POLB: variants seen among roughly 807,000 people sequenced by gnomAD.
POLB encodes DNA polymerase beta, also known as 5'-dRP lyase.
A neutral mutation model predicts 52.7 loss-of-function variants in POLB; 37 were observed. The ratio of observed to expected loss-of-function variants is 0.70; its 90% CI spans 0.54 to 0.92. The LOEUF is 0.92. POLB is among the 40% of genes least tolerant of loss of function. POLB has a pLI of 0.00. For synonymous variants in POLB, 138 were observed against 131.3 expected, an observed-to-expected ratio of 1.05 and a Z score of -0.35; for missense variants, 313 against 400.8, an observed-to-expected ratio of 0.78 and a Z score of 1.87.
chr8:42,371,493 A>T, intron 13 of POLB, 70 bp from the exon 14 acceptor site: 1 of 741,866 alleles, frequency 1.3e-6, no homozygotes, highest in Non-Finnish European at 2.2e-6. Context: ...CACAGCTCTT[A>T]ATCTTGAACC....
At chr8:42,370,071 T>A in intron 13 of POLB, 83 bp downstream of exon 13, 1 of 1,028,860 alleles carries the variant, frequency 9.7e-7, no homozygotes, top group Non-Finnish European at 1.5e-6. Context: ...TAGCAAACCT[T>A]CTAATAACTA....
chr8:42,339,127 G>A, intron 2 of POLB, 58 bp downstream of exon 2: 1 of 1,312,686 alleles, frequency 7.6e-7, no homozygotes, highest in Non-Finnish European at 1.1e-6. Context: ...GTTTAGTGTG[G>A]CAATTAACAG....
chr8:42,352,830 C>T (rs1823056278), intron 6 of POLB, among the ~76,000 whole-genome samples: 1 of 152,142 alleles, frequency 6.6e-6, no homozygotes, highest in South Asian at 2.1e-4. Context: ...CCTGTAGTCC[C>T]AGCACTTTGG....
intron 10 of POLB, among the ~76,000 whole-genome samples, chr8:42,362,381 AG>A (rs1823757389): frequency 6.6e-6 from 1 of 151,996 alleles, no homozygotes; most frequent in South Asian, 2.1e-4. Flanking sequence ...AAAAAAAAAA[AG>A]TTTTCTTATT....
At chr8:42,353,454 A>G (rs1002251280) in intron 6 of POLB, among the ~76,000 whole-genome samples, 2 of 152,168 alleles carry the variant, frequency 1.3e-5, no homozygotes, top group Non-Finnish European at 2.9e-5. Context: ...TCTTAGATTA[A>G]AAGCTAAGTT....
At chr8:42,362,734 A>T (rs759822271) in intron 11 of POLB, 36 bp downstream of exon 11, 23 of 1,203,784 alleles carry the variant, frequency 1.9e-5, no homozygotes, top group Non-Finnish European at 2.8e-5. Context: ...TCTAAAAAAA[A>T]ACTTGGAGAC....
intron 3 of POLB, among the ~76,000 whole-genome samples, chr8:42,347,647 A>T (rs1418531486): frequency 6.6e-6 from 1 of 152,064 alleles, no homozygotes; most frequent in Admixed American, 6.6e-5. Context: ...GAGTAAAATT[A>T]TTGTAGCACT....
At chr8:42,338,847 T>C (rs1172165888) in intron 1 of POLB, among the ~76,000 whole-genome samples, 162 bp downstream of exon 1, 3 of 152,176 alleles carry the variant, frequency 2.0e-5, no homozygotes, top group Admixed American at 6.5e-5. Flanking sequence ...TGGTTGTCAG[T>C]CCTGCCGGCT....
At chr8:42,356,375 C>T (rs1823316878) in intron 7 of POLB, among the ~76,000 whole-genome samples, 1 of 152,176 alleles carries the variant, frequency 6.6e-6, no homozygotes, top group Admixed American at 6.5e-5. Context: ...CTTCATCATG[C>T]TGAAGCATAT....
chr8:42,343,343 A>ATATATAT (rs1178071925), intron 2 of POLB, among the ~76,000 whole-genome samples: 3 of 35,482 alleles, frequency 8.5e-5, no homozygotes, highest in African/African-American at 1.4e-4. Context: ...AAAAAAAAAA[A>ATATATAT]AAATATATAT....
chr8:42,344,845 T>C, intron 2 of POLB, 108 bp from the exon 3 acceptor site: 1 of 710,090 alleles, frequency 1.4e-6, no homozygotes, highest in Non-Finnish European at 2.5e-6. Context: ...TTAGTTATCT[T>C]GGTGAAAGCA....
At chr8:42,348,243 C>T (rs1822754651) in intron 3 of POLB, among the ~76,000 whole-genome samples, 1 of 152,116 alleles carries the variant, frequency 6.6e-6, no homozygotes, top group Non-Finnish European at 1.5e-5. Context: ...CACCTGTATG[C>T]CAGTCACTAG....
chr8:42,359,399 G>A (rs1379669611), intron 9 of POLB, among the ~76,000 whole-genome samples: 1 of 151,912 alleles, frequency 6.6e-6, no homozygotes, highest in Non-Finnish European at 1.5e-5. Flanking sequence ...CTGTCACCCA[G>A]GCTGGAGTGT....
chr8:42,368,071 C>A (rs1585921615), intron 11 of POLB, among the ~76,000 whole-genome samples: 2 of 152,292 alleles, frequency 1.3e-5, no homozygotes, highest in South Asian at 4.2e-4. Flanking sequence ...CAGAGAAATT[C>A]TTTAATATTA....
intron 12 of POLB, 23 bp from the exon 13 acceptor site, chr8:42,369,822 AATGT>A: frequency 2.0e-6 from 3 of 1,516,964 alleles, no homozygotes; most frequent in Non-Finnish European, 2.7e-6. Context: ...ATGGTAAAAA[AATGT>A]ATCTACTGTC....
At chr8:42,351,015 C>T (rs920494777) in intron 5 of POLB, among the ~76,000 whole-genome samples, 1 of 152,028 alleles carries the variant, frequency 6.6e-6, no homozygotes, top group South Asian at 2.1e-4. Context: ...GCTGAGACTA[C>T]AGGCTTGCGC....
At chr8:42,352,720 G>C (rs1563397352) in intron 6 of POLB, 152 bp downstream of exon 6, 2 of 599,880 alleles carry the variant, frequency 3.3e-6, no homozygotes, top group East Asian at 5.4e-5. Flanking sequence ...AGTAGATATA[G>C]GGTATAGTTT....
At chr8:42,357,583 A>G (rs915747487) in intron 9 of POLB, 191 bp downstream of exon 9, 1 of 471,576 alleles carries the variant, frequency 2.1e-6, no homozygotes, top group Non-Finnish European at 3.7e-6. Context: ...TGATTTTATT[A>G]TAGGATGATA....
rs2307160 is a variant in POLB at position 42,338,563 on chromosome 8, A to G, written c.-62A>G. ...TCTCCAAGTCCTGGTACCTCCTTCA[A>G]GCTGGGAGAGGGCTCTAGTCCCTGG... On this transcript the variant is annotated 5_prime_UTR_variant, in exon 1 of 14. Transcript: ENST00000265421. 3.3e-3 allele frequency: 4,799 copies of G among 1,454,682 alleles called. 20 individuals carry two copies. Among genetic ancestry groups the G allele is most frequent in the Non-Finnish European group, 3.6e-3 (3,735 of 1,035,514 alleles). 90.1% of individuals were successfully genotyped at this position (1,454,682 alleles called of 1,614,324 possible).
Sources: allele counts gnomAD v4.1 joint callset (sites outside exome capture counted in the v4.1 genomes callset), GRCh38; gene constraint gnomAD v4.1.1; transcripts MANE v1.5; gene names NCBI Gene and HGNC (gene_info 2026-07-23, HGNC 2026-07-21).